The following PTPRU variants were observed in gnomAD, a reference collection of about 807,000 sequenced individuals.
PTPRU encodes receptor-type tyrosine-protein phosphatase U.
Under a neutral mutation model 166.3 loss-of-function variants are expected in PTPRU, and 69 were observed. That is an observed-to-expected ratio of 0.41 (90% CI 0.34 to 0.51). The LOEUF (loss-of-function observed/expected upper bound fraction) is 0.51, where lower values mean the gene tolerates loss of function less well. PTPRU is among the 20% of genes least tolerant of loss of function. PTPRU has a pLI of 0.09. For synonymous variants in PTPRU, 793 were observed against 814.0 expected, an observed-to-expected ratio of 0.97 and a Z score of 0.44; for missense variants, 1,657 against 2,013.7, an observed-to-expected ratio of 0.82 and a Z score of 3.39.
rs117122029 is a variant in PTPRU, at chr1:29,279,608, C to G, written c.1716C>G (p.Gly572=). 1 of 1,613,810 alleles carries G rather than the reference C, an allele frequency of 6.2e-7. No homozygotes were observed. Among genetic ancestry groups the G allele is most frequent in the Non-Finnish European group, 8.5e-7 (1 of 1,180,048 alleles). ...TYLFSVRART[G]KGFGQAALTE... Reference sequence around the variant, plus strand: ...TGTTCTCCGTGCGGGCCCGCACAGGCAAAGGCTTCGGCCAGGCGGCACTCA... The same window carrying G: ...TGTTCTCCGTGCGGGCCCGCACAGGGAAAGGCTTCGGCCAGGCGGCACTCA... Residue 572 remains glycine (G), a synonymous_variant, in exon 10 of 30, where the codon GGC becomes GGG. Coordinates refer to ENST00000373779, the MANE Select transcript of PTPRU (RefSeq NM_133178.4). This position sits in a 1 kb window ranked among gnomAD's most constrained non-coding sequence, Gnocchi z 5.2.
At position 29,273,871 on chromosome 1, in the gene PTPRU, G is replaced by A. The variant is rs992947607; in HGVS notation, c.1145-1577G>A. Among the ~76,000 whole-genome samples the A allele has an allele frequency of 5.3e-5, 8 of 152,214 alleles. No individual in the cohort carries two copies. In the South Asian group the frequency reaches 8.3e-4, roughly 16 times the overall value. ...AGTGGTGGTTAAGAGCATGGATTTC[G>A]GAGCCAGCCTGACCAGGTTTGGATC... On this transcript the variant is annotated intron_variant, in intron 7 of 29. Coordinates refer to ENST00000373779, the MANE Select transcript of PTPRU (RefSeq NM_133178.4).
intron 7 of PTPRU, among the ~76,000 whole-genome samples, chr1:29,270,500 C>T (rs1685513400): frequency 6.6e-6 from 1 of 152,066 alleles, no homozygotes; most frequent in East Asian, 1.9e-4. Context: ...GAGATGAGGT[C>T]TCACTACTAT....
Position 29,279,423 on chromosome 1 carries a change from CA to C in PTPRU, c.1564-32del. ...GCTGGTCAGGGATGCTCTGACCATC[CA>C]GTGCCCACCTGCCTGCCAATCCTGC... is the stretch of plus-strand genomic sequence containing the variant. On this transcript the variant is annotated intron_variant, in intron 9 of 29. Coordinates refer to ENST00000373779, the MANE Select transcript of PTPRU (RefSeq NM_133178.4). This position sits in a 1 kb window ranked among gnomAD's most constrained non-coding sequence, Gnocchi z 5.2. 1 of 1,596,726 alleles carries C rather than the reference CA, an allele frequency of 6.3e-7. No individual in the cohort carries two copies. The highest frequency in any genetic ancestry group is 8.6e-7 in the Non-Finnish European group (1 of 1,164,562).
chr1:29,281,078 C>T (rs1243758240), intron 11 of PTPRU, among the ~76,000 whole-genome samples: 4 of 152,056 alleles, frequency 2.6e-5, no homozygotes, highest in African/African-American at 9.7e-5. Context: ...CTTCCTTCCA[C>T]GAAGGTACAT....
intron 1 of PTPRU, among the ~76,000 whole-genome samples, chr1:29,252,307 A>T (rs1214230147): frequency 3.6e-5 from 5 of 139,904 alleles, no homozygotes; most frequent in African/African-American, 1.3e-4. Context: ...ACACTCTGTC[A>T]CCCTGGCTGG....
At chr1:29,265,779 G>A (rs1685273435) in intron 7 of PTPRU, among the ~76,000 whole-genome samples, 1 of 152,056 alleles carries the variant, frequency 6.6e-6, no homozygotes, top group African/African-American at 2.4e-5. Context: ...TTGTTGTTAA[G>A]TATTGAGAGT....
intron 3 of PTPRU, among the ~76,000 whole-genome samples, 194 bp downstream of exon 3, chr1:29,258,970 T>C (rs1684897800): frequency 6.6e-6 from 1 of 152,160 alleles, no homozygotes; most frequent in African/African-American, 2.4e-5. Context: ...TTCCTAGGAA[T>C]AGCCTCTGGC....
chr1:29,272,484 G>A (rs1454701741), intron 7 of PTPRU, among the ~76,000 whole-genome samples: 1 of 152,218 alleles, frequency 6.6e-6, no homozygotes, highest in East Asian at 1.9e-4. Flanking sequence ...ATCTTGTATT[G>A]TGCTGTACAT....
Position 29,308,566 on chromosome 1 carries a change from C to CAAAAAAAAAA in PTPRU, c.2821-2167_2821-2158dup, listed in dbSNP as rs754278193. On this transcript the variant is annotated intron_variant, in intron 18 of 29. Coordinates refer to ENST00000373779, the MANE Select transcript of PTPRU (RefSeq NM_133178.4). ...TGACCAACAGAGCCAGTCCCTGTCT[C>CAAAAAAAAAA]AAAAAAAAAAAAAAAAAAAAGAGAG... 1.6e-4 allele frequency among the ~76,000 whole-genome samples: 13 copies of CAAAAAAAAAA among 79,594 alleles called. 1 individual carries two copies. The highest frequency in any genetic ancestry group is 6.8e-4 in the African/African-American group (12 of 17,528). 52.2% of individuals were successfully genotyped at this position (79,594 alleles called of 152,430 possible).
chr1:29,278,242 G>A (rs563652793), intron 8 of PTPRU, among the ~76,000 whole-genome samples: 21 of 152,116 alleles, frequency 1.4e-4, no homozygotes, highest in South Asian at 4.2e-4. Flanking sequence ...GCTGCCGCAC[G>A]TGCACAGTTT....
chr1:29,288,432 G>A (rs1686461706), intron 14 of PTPRU, among the ~76,000 whole-genome samples: 1 of 152,164 alleles, frequency 6.6e-6, no homozygotes, highest in Non-Finnish European at 1.5e-5. Context: ...GGCACTCGTG[G>A]GAGAGTGGTC....
intron 15 of PTPRU, among the ~76,000 whole-genome samples, chr1:29,302,548 G>T (rs1247433026): frequency 6.6e-6 from 1 of 151,872 alleles, no homozygotes; most frequent in African/African-American, 2.4e-5. Flanking sequence ...CATTTATTAT[G>T]ATTTTTTTTT....
chr1:29,243,755 G>A (rs1051265582), intron 1 of PTPRU, among the ~76,000 whole-genome samples: 2 of 152,224 alleles, frequency 1.3e-5, no homozygotes, highest in African/African-American at 2.4e-5. Flanking sequence ...GGGCCTATAC[G>A]TGGGAGATGC....
chr1:29,300,884 T>C (rs1051922605), intron 15 of PTPRU, among the ~76,000 whole-genome samples: 5 of 152,190 alleles, frequency 3.3e-5, no homozygotes, highest in Non-Finnish European at 5.9e-5. Context: ...CTGCATTCAT[T>C]CTACCAGTTA....
intron 22 of PTPRU, among the ~76,000 whole-genome samples, chr1:29,313,533 G>T (rs1302842936): frequency 1.3e-5 from 2 of 152,220 alleles, no homozygotes; most frequent in Non-Finnish European, 2.9e-5. Flanking sequence ...GAGCACACTT[G>T]TGAAAAAACC....
At chr1:29,262,513 A>G (rs1209588691) in intron 7 of PTPRU, among the ~76,000 whole-genome samples, 4 of 152,174 alleles carry the variant, frequency 2.6e-5, no homozygotes, top group Non-Finnish European at 5.9e-5. Flanking sequence ...AACTTTTATT[A>G]TAGTGTGGTG....
intron 18 of PTPRU, among the ~76,000 whole-genome samples, chr1:29,306,581 G>A (rs1450471218): frequency 2.0e-5 from 3 of 152,248 alleles, no homozygotes; most frequent in East Asian, 1.9e-4. Flanking sequence ...CAGGGCTGGT[G>A]TGGCGGGCTT....
At chr1:29,254,873 C>T (rs751896584) in intron 1 of PTPRU, among the ~76,000 whole-genome samples, 4 of 152,192 alleles carry the variant, frequency 2.6e-5, no homozygotes, top group Non-Finnish European at 4.4e-5. Context: ...TGAAGTCACT[C>T]AGCCTTTTGG....
rs749381755 is a variant in PTPRU at position 29,291,857 on chromosome 1, C to A, written c.2319-12C>A. ...CACAATGCCTGTGTCTCCCCTCAACCCCCCTCTCCAGGAAGCCGGTGAACA... is the reference window on the plus strand; with the variant it reads ...CACAATGCCTGTGTCTCCCCTCAACACCCCTCTCCAGGAAGCCGGTGAACA... On this transcript the variant is annotated splice_polypyrimidine_tract_variant and intron_variant, in intron 14 of 29. Transcript: ENST00000373779. The surrounding 1 kb of genome is among the most constrained non-coding windows in gnomAD (Gnocchi z 4.1). The A allele has an allele frequency of 1.9e-6, 3 of 1,613,212 alleles. No individual in the cohort carries two copies. The highest frequency in any genetic ancestry group is 2.2e-5 in the South Asian group (2 of 90,858).
Sources: gnomAD v4.1 joint callset for allele counts (sites outside exome capture counted in the v4.1 genomes callset) on GRCh38, gnomAD v4.1.1 for gene constraint, Gnocchi (gnomAD v3.1) non-coding constraint, MANE v1.5 for transcripts, NCBI Gene and HGNC (gene_info 2026-07-23, HGNC 2026-07-21) for gene names.